Variants in BMPR1B observed in about 807,000 individuals in gnomAD.
BMPR1B encodes the protein bone morphogenetic protein receptor type-1B.
Under a neutral mutation model 59.1 loss-of-function variants are expected in BMPR1B, and 12 were observed. The ratio of observed to expected loss-of-function variants is 0.20; its 90% confidence interval spans 0.13 to 0.33. BMPR1B has a LOEUF of 0.33. BMPR1B is among the 10% of genes least tolerant of loss of function. The pLI is 1.00. For synonymous variants in BMPR1B, 237 were observed against 207.3 expected (o/e 1.14, Z -1.23); for missense variants, 550 against 610.9 (o/e 0.90, Z 1.05).
At chr4:95,148,297 GT>G (rs1193318138) in intron 10 of BMPR1B, among the ~76,000 whole-genome samples, 1 of 152,044 alleles carries the variant, frequency 6.6e-6, no homozygotes, top group Non-Finnish European at 1.5e-5. Context: ...AAGGAAGAGG[GT>G]TTTTTTAGAT....
chr4:95,093,971 A>G (rs985708679), intron 3 of BMPR1B, among the ~76,000 whole-genome samples: 3 of 152,042 alleles, frequency 2.0e-5, no homozygotes, highest in Non-Finnish European at 2.9e-5. Flanking sequence ...GCCACACACA[A>G]AGTAATCTTC....
At chr4:94,766,407 CTTTTT>C (rs33979041) in intron 1 of BMPR1B, among the ~76,000 whole-genome samples, 5 of 133,176 alleles carry the variant, frequency 3.8e-5, no homozygotes, top group Admixed American at 7.4e-5. Context: ...CGGCTCCTGT[CTTTTT>C]TTTTTTTTTT....
chr4:94,860,695 T>C (rs957031234), intron 1 of BMPR1B, among the ~76,000 whole-genome samples: 1 of 152,218 alleles, frequency 6.6e-6, no homozygotes, highest in Non-Finnish European at 1.5e-5. Context: ...GATTGTAGTA[T>C]AGTGAATACT....
At chr4:94,963,814 A>G (rs1730458336) in intron 2 of BMPR1B, among the ~76,000 whole-genome samples, 1 of 151,830 alleles carries the variant, frequency 6.6e-6, no homozygotes, top group African/African-American at 2.4e-5. Flanking sequence ...TCGCTATTCT[A>G]GGTCTTTTGT....
At position 95,155,907 on chromosome 4, in the gene BMPR1B, A is replaced by G. The variant is rs1484930991; in HGVS notation, c.*1234A>G. Reference sequence around the variant, plus strand: ...ACCTCTAGATGGGACAGCAGAGGACAGTTAGTAGAGGCCACAAACTGTTAT... The same window carrying G: ...ACCTCTAGATGGGACAGCAGAGGACGGTTAGTAGAGGCCACAAACTGTTAT... On this transcript the variant is annotated 3_prime_UTR_variant, in exon 13 of 13. Coordinates refer to ENST00000515059, the MANE Select transcript of BMPR1B (RefSeq NM_001203.3). 6.6e-6 allele frequency: 1 copy of G among 152,210 alleles called. No homozygotes were observed. The highest frequency in any genetic ancestry group is 1.5e-5 in the Non-Finnish European group (1 of 68,030). 9.4% of individuals were successfully genotyped at this position (152,210 alleles called of 1,614,324 possible).
At chr4:94,758,439 C>T (rs1721615510) in intron 1 of BMPR1B, among the ~76,000 whole-genome samples, 1 of 151,652 alleles carries the variant, frequency 6.6e-6, no homozygotes, top group Admixed American at 6.6e-5. Context: ...CGCCCCAAGG[C>T]AGGGAGTCGG....
At chr4:94,920,825 A>G (rs1055191708) in intron 2 of BMPR1B, among the ~76,000 whole-genome samples, 1 of 152,220 alleles carries the variant, frequency 6.6e-6, no homozygotes, top group Non-Finnish European at 1.5e-5. Context: ...AAGCTTTGGC[A>G]TTGGTAAATT....
rs17023105 is a variant in BMPR1B at position 95,153,014 on chromosome 4, A to G, written c.1383+241A>G. Reference sequence around the variant, plus strand: ...GTGAGTTGGTCAGTGTTTAGCCTGCATAACAAATAACATTATTTTCTTTAT... The same window carrying G: ...GTGAGTTGGTCAGTGTTTAGCCTGCGTAACAAATAACATTATTTTCTTTAT... On this transcript the variant is annotated intron_variant, in intron 12 of 12. Transcript: ENST00000515059. Among the ~76,000 whole-genome samples the G allele has an allele frequency of 0.11, 16,334 of 152,178 alleles. 2,144 individuals carry two copies. Among genetic ancestry groups the G allele is most frequent in the African/African-American group, 0.31 (12,986 of 41,444 alleles).
chr4:94,910,566 T>C (rs1728234266), intron 2 of BMPR1B, among the ~76,000 whole-genome samples: 1 of 152,098 alleles, frequency 6.6e-6, no homozygotes, highest in Non-Finnish European at 1.5e-5. Flanking sequence ...GTGTGCTTTT[T>C]AGGCATAGTT....
intron 2 of BMPR1B, among the ~76,000 whole-genome samples, chr4:94,952,428 T>TGA (rs1729980559): frequency 1.3e-5 from 2 of 152,204 alleles, no homozygotes; most frequent in African/African-American, 4.8e-5. Context: ...AACACTTCTT[T>TGA]AGCTGTGTCC....
rs181374799 is a variant in BMPR1B at position 94,832,539 on chromosome 4, T to A, written c.-182-43292T>A. ...GCTCATGCCTGTAATCCCAGGACTT[T>A]GGGAGGCTGAGGTGGGCGGATCACT... On this transcript the variant is annotated intron_variant, in intron 1 of 12. Coordinates refer to ENST00000515059, the MANE Select transcript of BMPR1B (RefSeq NM_001203.3). Among the ~76,000 whole-genome samples, 18 of 152,212 alleles carry A rather than the reference T, an allele frequency of 1.2e-4. No homozygotes were observed. In the East Asian group the frequency reaches 3.5e-3, roughly 29 times the overall value.
chr4:94,798,527 A>C (rs368796839), intron 1 of BMPR1B, among the ~76,000 whole-genome samples: 1 of 152,184 alleles, frequency 6.6e-6, no homozygotes, highest in African/African-American at 2.4e-5. Flanking sequence ...ATCTGATCAC[A>C]TCCAGCCTCT....
intron 3 of BMPR1B, among the ~76,000 whole-genome samples, chr4:95,045,684 C>T (rs942403096): frequency 9.2e-5 from 14 of 152,232 alleles, no homozygotes; most frequent in South Asian, 2.1e-4. Context: ...TTTGTTTATT[C>T]ACTGTTTTTT....
intron 1 of BMPR1B, among the ~76,000 whole-genome samples, chr4:94,854,039 A>G (rs951280146): frequency 2.6e-5 from 4 of 151,996 alleles, no homozygotes; most frequent in African/African-American, 7.2e-5. Context: ...TTCCTGTTCA[A>G]TCTGTAGTTG....
At chr4:94,787,107 G>A (rs1273341459) in intron 1 of BMPR1B, among the ~76,000 whole-genome samples, 1 of 152,210 alleles carries the variant, frequency 6.6e-6, no homozygotes, top group African/African-American at 2.4e-5. Context: ...CCCTTGATAT[G>A]TAGGAGACCA....
chr4:94,880,889 G>A (rs1726938463), intron 2 of BMPR1B, among the ~76,000 whole-genome samples: 1 of 152,000 alleles, frequency 6.6e-6, no homozygotes, highest in Non-Finnish European at 1.5e-5. Context: ...GCCCTCCTTG[G>A]CCTCCCAAAG....
At position 95,088,470 on chromosome 4, in the gene BMPR1B, C is replaced by T. The variant is rs980767896; in HGVS notation, c.-17-15938C>T. On this transcript the variant is annotated intron_variant, in intron 3 of 12. Transcript: ENST00000515059. Reference sequence around the variant, plus strand: ...ATGATTTTAGCATGCTCAAAAGTGCCATGTTCTAAGACTGGGGCAAAGAAC... The same window carrying T: ...ATGATTTTAGCATGCTCAAAAGTGCTATGTTCTAAGACTGGGGCAAAGAAC... Among the ~76,000 whole-genome samples, 6 of 152,216 alleles carry T rather than the reference C, an allele frequency of 3.9e-5. No individual in the cohort carries two copies. The Middle Eastern group carries it at 0.01, about 259-fold the overall frequency.
At chr4:94,851,380 CATGTT>C (rs1351790984) in intron 1 of BMPR1B, among the ~76,000 whole-genome samples, 2 of 152,112 alleles carry the variant, frequency 1.3e-5, no homozygotes, top group Non-Finnish European at 2.9e-5. Flanking sequence ...ATTTAAGTGA[CATGTT>C]AAGAAATATA....
At chr4:95,015,218 A>G (rs112073099) in intron 3 of BMPR1B, among the ~76,000 whole-genome samples, 101 of 152,234 alleles carry the variant, frequency 6.6e-4, no homozygotes, top group African/African-American at 2.2e-3. Context: ...AAGAAAGAAA[A>G]GAAAAATGAT....
Sources: allele counts gnomAD v4.1 joint callset (sites outside exome capture counted in the v4.1 genomes callset), GRCh38; gene constraint gnomAD v4.1.1; transcripts MANE v1.5; gene names NCBI Gene and HGNC (gene_info 2026-07-23, HGNC 2026-07-21).